Variants in SHOX2 observed in about 807,000 individuals in gnomAD.
SHOX2 encodes the protein short stature homeobox protein 2.
In SHOX2, 13 loss-of-function variants were observed where a neutral mutation model predicts 31.3. That is an observed-to-expected ratio of 0.42 (90% CI 0.27 to 0.66). The LOEUF (loss-of-function observed/expected upper bound fraction) is 0.66. Among genes scored for constraint, SHOX2 ranks in the 30% least tolerant of loss-of-function variants. The pLI is 0.27. For missense variants in SHOX2, 473 were observed against 443.0 expected (o/e 1.07, Z -0.61); for synonymous variants, 244 against 196.2 (o/e 1.24, Z -2.04).
At position 158,102,860 on chromosome 3, in the gene SHOX2, C is replaced by T. The variant is rs770223323; in HGVS notation, c.373G>A (p.Glu125Lys). The change falls in exon 2 of 5, where the codon GAG becomes AAG. Residue 125 changes from glutamate (E) to lysine (K), a missense_variant. Glu to Lys is a moderately conservative substitution (Grantham distance 56, BLOSUM62 1). Transcript: ENST00000483851. ...EVSPELKDRK[E>K]DAKGMEDEGQ... The stretch of plus-strand genomic sequence containing the variant: ...TCGTCCTCCATCCCTTTCGCATCCT[C>T]TTTGCGATCTTTCAGCTCCGGGGAC... 3.7e-6 allele frequency: 6 copies of T among 1,614,102 alleles called. No homozygotes were observed. Among genetic ancestry groups the T allele is most frequent in the South Asian group, 1.1e-5 (1 of 91,076 alleles).
At chr3:158,103,562 G>A (rs563554660) in intron 1 of SHOX2, 2 of 152,732 alleles carry the variant, frequency 1.3e-5, no homozygotes, top group South Asian at 2.1e-4. Flanking sequence ...CCCCTGGACA[G>A]CCAGGTAATC....
At chr3:158,100,138 T>A in intron 3 of SHOX2, 116 bp downstream of exon 3, 1 of 991,248 alleles carries the variant, frequency 1.0e-6, no homozygotes, top group Non-Finnish European at 1.5e-6. Context: ...TGAAGATTAT[T>A]AAGTCAAGAA....
In SHOX2 at chr3:158,106,314, G is replaced by A. The variant is rs1000097517; in HGVS notation, c.-290C>T. 9 of 454,110 alleles carry A rather than the reference G, an allele frequency of 2.0e-5. No individual in the cohort carries two copies. The highest frequency in any genetic ancestry group is 2.7e-5 in the Non-Finnish European group (7 of 256,850). 28.1% of individuals were successfully genotyped at this position (454,110 alleles called of 1,614,324 possible). ...GGAGGAGGAGGAGAAGAGAAGGGGC[G>A]GGGGCTGCCGGAGGGAAATGGGAAC... On this transcript the variant is annotated 5_prime_UTR_variant, in exon 1 of 5. Coordinates refer to ENST00000483851, the MANE Select transcript of SHOX2 (RefSeq NM_001163678.2).
In SHOX2 at chr3:158,095,954, G is replaced by A. The variant is rs1293664018; in HGVS notation, c.*2073C>T. 6.6e-6 allele frequency: 1 copy of A among 152,532 alleles called. No homozygotes were observed. Among genetic ancestry groups the A allele is most frequent in the African/African-American group, 2.4e-5 (1 of 41,446 alleles). 9.4% of individuals were successfully genotyped at this position (152,532 alleles called of 1,614,324 possible). A position where few individuals can be genotyped will look rare whatever the true frequency, so the allele number is the denominator to read the frequency against. On this transcript the variant is annotated 3_prime_UTR_variant, in exon 5 of 5. Transcript: ENST00000483851. ...GAGAGTGATACGCATTAATCAAAAG[G>A]GAAAGACTATCCCGGATATTTTAAT...
chr3:158,106,365 T>C lies in SHOX2; in HGVS notation c.-341A>G. ...TGATGCTTCCCTGCCGGAGCGCGCT[T>C]GTTCAATGTTAAGATCTTTGACAAT... On this transcript the variant is annotated 5_prime_UTR_variant, in exon 1 of 5. Coordinates refer to ENST00000483851, the MANE Select transcript of SHOX2 (RefSeq NM_001163678.2). 2.8e-6 allele frequency: 1 copy of C among 354,268 alleles called. No individual in the cohort carries two copies. Among genetic ancestry groups the C allele is most frequent in the South Asian group, 2.8e-5 (1 of 36,076 alleles). 21.9% of individuals were successfully genotyped at this position (354,268 alleles called of 1,614,324 possible).
rs1051161069 is a variant in SHOX2, at chr3:158,097,636, G to C, written c.*391C>G. 5.1e-5 allele frequency: 9 copies of C among 175,546 alleles called. No individual in the cohort carries two copies. Among genetic ancestry groups the C allele is most frequent in the African/African-American group, 2.1e-4 (9 of 42,282 alleles). 10.9% of individuals were successfully genotyped at this position (175,546 alleles called of 1,614,324 possible). On this transcript the variant is annotated 3_prime_UTR_variant, in exon 5 of 5. Transcript: ENST00000483851. ...CGTTTGTCTTTCGATTTTTTTGTTT[G>C]CTCATTTTTTCATTGTTAACAAGAT...
In SHOX2 at chr3:158,104,379, C is replaced by T. The variant is rs991682279; in HGVS notation, c.346+1300G>A. Among the ~76,000 whole-genome samples, 15 of 152,352 alleles carry T rather than the reference C, an allele frequency of 9.8e-5. No individual in the cohort carries two copies. The South Asian group carries it at 1.0e-3, about 11-fold the overall frequency. ...TGGAGGAAGAAGAGTCGCTAGATCT[C>T]GGCCCTGCCGGGCATTCTAGCTACG... On this transcript the variant is annotated intron_variant, in intron 1 of 4. Transcript: ENST00000483851.
rs1713886178 is a variant in SHOX2 at position 158,105,847 on chromosome 3, C to T, written c.178G>A (p.Gly60Ser). 2 of 1,443,106 alleles carry T rather than the reference C, an allele frequency of 1.4e-6. No homozygotes were observed. The highest frequency in any genetic ancestry group is 1.4e-5 in the South Asian group (1 of 69,002). The allele number at this position is 1,443,106 out of a possible 1,614,324, so 89.4% of individuals were successfully genotyped here. A position where few individuals can be genotyped will look rare whatever the true frequency, so the allele number is the denominator to read the frequency against. ...DRSSPAVRAA[G>S]GGGGGGGGGG... Reference sequence around the variant, plus strand: ...CCGCCTCCTCCGCCGCCGCCTCCGCCGGCCGCCCGGACTGCCGGGCTGCTG... The same window carrying T: ...CCGCCTCCTCCGCCGCCGCCTCCGCTGGCCGCCCGGACTGCCGGGCTGCTG... Residue 60 changes from glycine (G) to serine (S), a missense_variant, in exon 1 of 5, where the codon GGC (glycine) becomes AGC (serine). By Grantham distance (56) the Gly-to-Ser change is moderately conservative. Coordinates refer to ENST00000483851, the MANE Select transcript of SHOX2 (RefSeq NM_001163678.2).
In SHOX2 at chr3:158,098,346, G is replaced by A. The variant is rs147435418; in HGVS notation, c.703-62C>T. On this transcript the variant is annotated intron_variant, in intron 4 of 4. Transcript: ENST00000483851. ...CTAGGGTGACAACAGAATAGAAACA[G>A]AGCATTAACGGCGTCCAGCTTGGCC... 40 of 1,574,722 alleles carry A rather than the reference G, an allele frequency of 2.5e-5. No homozygotes were observed. In the African/African-American group the frequency reaches 3.8e-4, roughly 15 times the overall value.
chr3:158,098,209 C>G lies in SHOX2; in HGVS notation c.778G>C (p.Ala260Pro). The change falls in exon 5 of 5, where the codon GCG becomes CCG. Residue 260 changes from alanine to proline, a missense_variant. Ala to Pro is a conservative substitution (Grantham distance 27, BLOSUM62 -1). Coordinates refer to ENST00000483851, the MANE Select transcript of SHOX2 (RefSeq NM_001163678.2). The stretch of plus-strand genomic sequence containing the variant: ...GGTGCTGGGAACATCATGTAGGGCG[C>G]GTGCGCGGCCAGGTGCGGATGCAGG... ...HHLHPHLAAHAPYMMFPAPPF... is the reference protein window; with the variant it reads ...HHLHPHLAAHPPYMMFPAPPF... 6.2e-7 allele frequency: 1 copy of G among 1,613,846 alleles called. No individual in the cohort carries two copies. The highest frequency in any genetic ancestry group is 1.1e-5 in the South Asian group (1 of 91,052).
rs1397897918 is a variant in SHOX2, at chr3:158,099,882, G to A, written c.680C>T (p.Ala227Val). Residue 227 changes from alanine to valine, a missense_variant, in exon 4 of 5, where the codon GCT becomes GTT. Physicochemically the swap from Ala to Val is moderately conservative, Grantham distance 64. Around this residue, in one of 3 missense-constraint regions of SHOX2, gnomAD observed 182 missense variants for 167.2 expected, o/e 1.09. Coordinates refer to ENST00000483851, the MANE Select transcript of SHOX2 (RefSeq NM_001163678.2). ...TGCCTGCTGAAATGGCATCCTTAAA[G>A]CACCTACGTTGACATAAGGTGCGAC... is the stretch of plus-strand genomic sequence containing the variant. ...CRVAPYVNVG[A>V]LRMPFQQVQA... The A allele has an allele frequency of 6.2e-7, 1 of 1,614,044 alleles. No homozygotes were observed. Among genetic ancestry groups the A allele is most frequent in the South Asian group, 1.1e-5 (1 of 91,076 alleles).
chr3:158,105,251 G>A, intron 1 of SHOX2: 2 of 670,070 alleles, frequency 3.0e-6, no homozygotes, highest in African/African-American at 1.8e-5. Flanking sequence ...TTCCACCTCT[G>A]CCCCTTCTCC....
intron 1 of SHOX2, among the ~76,000 whole-genome samples, chr3:158,104,433 G>A (rs912283176): frequency 6.6e-6 from 1 of 152,238 alleles, no homozygotes; most frequent in South Asian, 2.1e-4. Flanking sequence ...GTATTTTCTA[G>A]TTCTCAGAGT....
intron 2 of SHOX2, among the ~76,000 whole-genome samples, chr3:158,100,602 C>T (rs1446650760): frequency 6.6e-6 from 1 of 152,186 alleles, no homozygotes; most frequent in East Asian, 1.9e-4. Flanking sequence ...TGCTTGGTAC[C>T]TGATACCAAC....
chr3:158,100,816 T>C (rs1251763977), intron 2 of SHOX2, among the ~76,000 whole-genome samples: 6 of 152,250 alleles, frequency 3.9e-5, no homozygotes, highest in African/African-American at 1.4e-4. Context: ...AGAATTTCTC[T>C]GTTCTGCTGT....
chr3:158,105,253 C>G, intron 1 of SHOX2: 1 of 667,102 alleles, frequency 1.5e-6, no homozygotes, highest in Non-Finnish European at 2.7e-6. Flanking sequence ...CCACCTCTGC[C>G]CCTTCTCCCT....
rs1039908906 is a variant in SHOX2, at chr3:158,097,662, T to G, written c.*365A>C. Reference sequence around the variant, plus strand: ...CTCATTTTTTCATTGTTAACAAGATTTTTTTTTCTATGCAAGAGTCCATCG... The same window carrying G: ...CTCATTTTTTCATTGTTAACAAGATGTTTTTTTCTATGCAAGAGTCCATCG... On this transcript the variant is annotated 3_prime_UTR_variant, in exon 5 of 5. Coordinates refer to ENST00000483851, the MANE Select transcript of SHOX2 (RefSeq NM_001163678.2). 3 of 204,466 alleles carry G rather than the reference T, an allele frequency of 1.5e-5. No individual in the cohort carries two copies. Among genetic ancestry groups the G allele is most frequent in the Non-Finnish European group, 2.9e-5 (3 of 103,544 alleles). 12.7% of individuals were successfully genotyped at this position (204,466 alleles called of 1,614,324 possible).
Position 158,096,920 on chromosome 3 carries a change from ATATATATATATG to A in SHOX2, c.*1095_*1106del, listed in dbSNP as rs1410400934. ...TATATATATATATATATATATATAT[ATATATATATATG>A]GCAAATATATGATATATATATATGG... On this transcript the variant is annotated 3_prime_UTR_variant, in exon 5 of 5. Transcript: ENST00000483851. 23 of 125,410 alleles carry A rather than the reference ATATATATATATG, an allele frequency of 1.8e-4. 2 individuals carry two copies. The highest frequency in any genetic ancestry group is 3.0e-4 in the Non-Finnish European group (18 of 59,812). 7.8% of individuals were successfully genotyped at this position (125,410 alleles called of 1,614,324 possible). A position where few individuals can be genotyped will look rare whatever the true frequency, so the allele number is the denominator to read the frequency against.
At chr3:158,100,719 G>C (rs1235292382) in intron 2 of SHOX2, among the ~76,000 whole-genome samples, 1 of 152,220 alleles carries the variant, frequency 6.6e-6, no homozygotes, top group African/African-American at 2.4e-5. Context: ...AAACACCAGA[G>C]CAAATAATGA....
Sources: gnomAD v4.1 joint callset for allele counts (sites outside exome capture counted in the v4.1 genomes callset) on GRCh38, gnomAD v4.1.1 for gene constraint, gnomAD v4.1.1 regional missense constraint, MANE v1.5 for transcripts, NCBI Gene and HGNC (gene_info 2026-07-23, HGNC 2026-07-21) for gene names.